The following CXXC5 variants were observed in gnomAD, a reference collection of about 807,000 sequenced individuals.
The protein encoded by CXXC5 is CXXC-type zinc finger protein 5.
A neutral mutation model predicts 17.6 loss-of-function variants in CXXC5; 2 were observed. That is an observed-to-expected ratio of 0.11 (90% confidence interval 0.05 to 0.36). The LOEUF is 0.36. CXXC5 is among the 10% of genes least tolerant of loss of function. The pLI, the probability that CXXC5 is intolerant of heterozygous loss-of-function variation, is 1.00. For missense variants in CXXC5, 343 were observed against 458.3 expected, an observed-to-expected ratio of 0.75 and a Z score of 2.30; for synonymous variants, 171 against 193.0, an observed-to-expected ratio of 0.89 and a Z score of 0.94.
chr5:139,656,177 C>T (rs1561533737), intron 1 of CXXC5, among the ~76,000 whole-genome samples: 1 of 152,272 alleles, frequency 6.6e-6, no homozygotes, highest in Admixed American at 6.5e-5. Context: ...TGTGGGGCAA[C>T]CCCTAGCGGC....
Position 139,659,901 on chromosome 5 carries a change from C to T in CXXC5, c.-161+11056C>T, listed in dbSNP as rs540048574. Among the ~76,000 whole-genome samples, 4 of 152,342 alleles carry T rather than the reference C, an allele frequency of 2.6e-5. No individual in the cohort carries two copies. The South Asian group carries it at 6.2e-4, about 24-fold the overall frequency. ...ATCCCTGGCTGTGTCTGCAAAGCCC[C>T]CCGGGAAGGCAGGGAGGAGGCGCAG... On this transcript the variant is annotated intron_variant, in intron 1 of 2. Transcript: ENST00000302517.
chr5:139,653,969 C>T (rs372122430), intron 1 of CXXC5, among the ~76,000 whole-genome samples: 1 of 152,188 alleles, frequency 6.6e-6, no homozygotes, highest in East Asian at 1.9e-4. Context: ...TGGGGACCAA[C>T]AAGACAGGGC....
Position 139,648,362 on chromosome 5 carries a change from G to GCGGCTGAGC in CXXC5, c.-642_-634dup, listed in dbSNP as rs1245462607. On this transcript the variant is annotated 5_prime_UTR_variant, in exon 1 of 3. Coordinates refer to ENST00000302517, the MANE Select transcript of CXXC5 (RefSeq NM_016463.9). Reference sequence around the variant, plus strand: ...CGGGCGCGCGGCGGCGGCGGCAGAGGCGGCTGAGCCTGAGCGGGGATGTAG... The same window carrying GCGGCTGAGC: ...CGGGCGCGCGGCGGCGGCGGCAGAGGCGGCTGAGCCGGCTGAGCCTGAGCGGGGATGTAG... 6.3e-6 allele frequency: 1 copy of GCGGCTGAGC among 157,690 alleles called. No homozygotes were observed. The highest frequency in any genetic ancestry group is 1.4e-5 in the Non-Finnish European group (1 of 72,038). 9.8% of individuals were successfully genotyped at this position (157,690 alleles called of 1,614,324 possible).
intron 1 of CXXC5, chr5:139,679,614 C>T (rs531036957): frequency 6.6e-6 from 1 of 152,346 alleles, no homozygotes; most frequent in African/African-American, 2.4e-5. Context: ...CCATCAAGCA[C>T]TCTTCTCCTC....
chr5:139,676,663 C>A (rs1008878173), intron 1 of CXXC5, among the ~76,000 whole-genome samples: 1 of 146,714 alleles, frequency 6.8e-6, no homozygotes, highest in Non-Finnish European at 1.5e-5. Flanking sequence ...ACCCTTCCCT[C>A]TGCCTCCCTC....
In CXXC5 at chr5:139,670,855, C is replaced by T. The variant is rs1756424200; in HGVS notation, c.-160-9509C>T. Reference sequence around the variant, plus strand: ...CGACATCTTGAGACTACACACTCAACCGGGCACATTCACAGTCCACTGGAC... The same window carrying T: ...CGACATCTTGAGACTACACACTCAATCGGGCACATTCACAGTCCACTGGAC... On this transcript the variant is annotated intron_variant, in intron 1 of 2. Transcript: ENST00000302517. The surrounding 1 kb of genome is among the most constrained non-coding windows in gnomAD (Gnocchi z 4.2). Among the ~76,000 whole-genome samples the T allele has an allele frequency of 6.6e-6, 1 of 152,214 alleles. No homozygotes were observed. The highest frequency in any genetic ancestry group is 1.5e-5 in the Non-Finnish European group (1 of 68,032).
intron 1 of CXXC5, among the ~76,000 whole-genome samples, chr5:139,674,393 G>A (rs562399047): frequency 9.2e-5 from 14 of 152,206 alleles, no homozygotes; most frequent in African/African-American, 2.4e-4. Context: ...ACCAAGGTGG[G>A]GGGGAGGAGA....
At chr5:139,678,625 G>C (rs966681800) in intron 1 of CXXC5, among the ~76,000 whole-genome samples, 1 of 152,194 alleles carries the variant, frequency 6.6e-6, no homozygotes, top group Non-Finnish European at 1.5e-5. Context: ...TAGTCCTGGG[G>C]AAGCCCCCCC....
rs1757376518 is a variant in CXXC5, at chr5:139,683,504, G to A, written c.*597G>A. The A allele has an allele frequency of 6.6e-6, 1 of 152,358 alleles. No homozygotes were observed. Among genetic ancestry groups the A allele is most frequent in the Non-Finnish European group, 1.5e-5 (1 of 68,022 alleles). The allele number at this position is 152,358 out of a possible 1,614,324, so 9.4% of individuals were successfully genotyped here. ...GCTGCCAGCAGGGAGCTCACAGAAG[G>A]GGAGGGAGCACCAGGCCAGCTGAGC... On this transcript the variant is annotated 3_prime_UTR_variant, in exon 3 of 3. Transcript: ENST00000302517.
intron 1 of CXXC5, chr5:139,649,365 G>C (rs1342145034): frequency 6.6e-6 from 1 of 152,288 alleles, no homozygotes; most frequent in Non-Finnish European, 1.5e-5. Flanking sequence ...CTCAGCCTGC[G>C]GGGGCGGCTG....
intron 1 of CXXC5, among the ~76,000 whole-genome samples, chr5:139,669,008 G>A (rs957442627): frequency 2.6e-5 from 4 of 152,130 alleles, no homozygotes; most frequent in Non-Finnish European, 5.9e-5. Context: ...GTAATGTCTG[G>A]ACCTAGCAGG....
chr5:139,660,378 G>T (rs960312563), intron 1 of CXXC5, among the ~76,000 whole-genome samples: 2 of 152,224 alleles, frequency 1.3e-5, no homozygotes, highest in Non-Finnish European at 2.9e-5. Context: ...TCCTGGCCAG[G>T]ATCCGGCCAG....
intron 1 of CXXC5, among the ~76,000 whole-genome samples, chr5:139,664,104 T>C (rs767126533): frequency 2.6e-5 from 4 of 152,032 alleles, no homozygotes; most frequent in Middle Eastern, 3.2e-3. Context: ...CTCTCCTAGG[T>C]CCCTCTGCTA....
chr5:139,649,089 C>G (rs1184070318), intron 1 of CXXC5: 3 of 152,492 alleles, frequency 2.0e-5, no homozygotes, highest in Non-Finnish European at 4.4e-5. Flanking sequence ...GCCGCGGAGC[C>G]CCGGAGCCTG....
Position 139,681,309 on chromosome 5 carries a change from C to T in CXXC5, c.786C>T (p.Arg262=). 1 of 1,612,822 alleles carries T rather than the reference C, an allele frequency of 6.2e-7. No homozygotes were observed. Residue 262 remains arginine, a synonymous_variant, in exon 2 of 3, where the codon CGC becomes CGT. Transcript: ENST00000302517. ...AISSGKKKRK[R]CGMCAPCRRR... The stretch of plus-strand genomic sequence containing the variant: ...GCTCCGGCAAGAAGAAGCGGAAACG[C>T]TGCGGCATGTGCGCGCCCTGCCGGC...
intron 1 of CXXC5, among the ~76,000 whole-genome samples, chr5:139,654,335 G>C (rs1227228996): frequency 6.6e-6 from 1 of 152,168 alleles, no homozygotes; most frequent in Non-Finnish European, 1.5e-5. Flanking sequence ...TCCTGGACAT[G>C]TCACTGCCTA....
chr5:139,661,000 AC>A (rs889923308), intron 1 of CXXC5, among the ~76,000 whole-genome samples: 2 of 152,046 alleles, frequency 1.3e-5, no homozygotes, highest in African/African-American at 4.8e-5. Flanking sequence ...TGAAACAGGA[AC>A]CCCGGAGCTG....
At chr5:139,660,286 C>T (rs970156510) in intron 1 of CXXC5, among the ~76,000 whole-genome samples, 2 of 152,180 alleles carry the variant, frequency 1.3e-5, no homozygotes, top group East Asian at 1.9e-4. Context: ...GGCAGGAATC[C>T]GGGTTGTGCC....
chr5:139,676,868 C>T (rs1756860510), intron 1 of CXXC5, among the ~76,000 whole-genome samples: 1 of 151,836 alleles, frequency 6.6e-6, no homozygotes, highest in Non-Finnish European at 1.5e-5. Context: ...CTCCAGCTCC[C>T]CTTTTCTCTG....
Sources: allele counts gnomAD v4.1 joint callset (sites outside exome capture counted in the v4.1 genomes callset), GRCh38; gene constraint gnomAD v4.1.1; non-coding constraint Gnocchi (gnomAD v3.1); transcripts MANE v1.5; gene names NCBI Gene and HGNC (gene_info 2026-07-23, HGNC 2026-07-21).